RBM6: variants seen among roughly 807,000 people sequenced by gnomAD.
The protein encoded by RBM6 is RNA-binding protein 6.
A neutral mutation model predicts 140.4 loss-of-function variants in RBM6; 23 were observed. That is an observed-to-expected ratio of 0.16 (90% CI 0.12 to 0.23). The LOEUF is 0.23. Ranked by LOEUF, RBM6 falls within the 10% of genes least tolerant of loss-of-function variation. The pLI, the probability that RBM6 is intolerant of heterozygous loss-of-function variation, is 1.00. For synonymous variants in RBM6, 439 were observed against 475.6 expected, an observed-to-expected ratio of 0.92 and a Z score of 1.00; for missense variants, 1,139 against 1,386.7, an observed-to-expected ratio of 0.82 and a Z score of 2.84.
At chr3:49,992,159 C>G (rs2085858226) in intron 5 of RBM6, among the ~76,000 whole-genome samples, 1 of 151,938 alleles carries the variant, frequency 6.6e-6, no homozygotes, top group African/African-American at 2.4e-5. Flanking sequence ...GTGTGTTTGC[C>G]CAGGCTGGTC....
In RBM6 at chr3:50,040,491, T is replaced by TAC. The variant is rs1373091608; in HGVS notation, c.1558-7753_1558-7752insCA. Reference sequence around the variant, plus strand: ...AAAAAAATATATATATATATATATATATACACACACACACACACACACACA... The same window carrying TAC: ...AAAAAAATATATATATATATATATATACATACACACACACACACACACACACA... On this transcript the variant is annotated intron_variant, in intron 6 of 20. Transcript: ENST00000266022. Among the ~76,000 whole-genome samples, 279 of 95,588 alleles carry TAC rather than the reference T, an allele frequency of 2.9e-3. 3 individuals carry two copies. The highest frequency in any genetic ancestry group is 7.7e-3 in the African/African-American group (190 of 24,754). The allele number at this position is 95,588 out of a possible 152,430, so 62.7% of individuals were successfully genotyped here.
chr3:49,958,692 A>C (rs976462168), intron 1 of RBM6, among the ~76,000 whole-genome samples: 4 of 151,448 alleles, frequency 2.6e-5, no homozygotes, highest in African/African-American at 9.7e-5. Flanking sequence ...TGGAGCTTGC[A>C]GTGAGCCGAG....
At chr3:50,002,402 C>T (rs1239531690) in intron 6 of RBM6, among the ~76,000 whole-genome samples, 1 of 152,024 alleles carries the variant, frequency 6.6e-6, no homozygotes, top group East Asian at 1.9e-4. Flanking sequence ...GCTGGGATTA[C>T]AGGTGCCCGC....
chr3:50,072,417 A>G (rs935060339), intron 19 of RBM6, among the ~76,000 whole-genome samples: 1 of 151,916 alleles, frequency 6.6e-6, no homozygotes, highest in African/African-American at 2.4e-5. Context: ...ATCAAAAAAA[A>G]AAAAGAAAAG....
chr3:50,055,124 A>G (rs964809609), intron 8 of RBM6, among the ~76,000 whole-genome samples: 1 of 152,186 alleles, frequency 6.6e-6, no homozygotes, highest in East Asian at 1.9e-4. Flanking sequence ...GACCGGCCCA[A>G]ACCTTTCAAA....
At chr3:50,025,164 C>T (rs1018390179) in intron 6 of RBM6, among the ~76,000 whole-genome samples, 7 of 151,776 alleles carry the variant, frequency 4.6e-5, no homozygotes, top group African/African-American at 1.7e-4. Flanking sequence ...GTGGCTCACG[C>T]CTGTAATCCC....
intron 7 of RBM6, among the ~76,000 whole-genome samples, chr3:50,049,250 A>G (rs1363928354): frequency 6.6e-6 from 1 of 151,266 alleles, no homozygotes; most frequent in Non-Finnish European, 1.5e-5. Context: ...CTAGGATTAC[A>G]GTTGTGTGCC....
At chr3:50,064,972 C>T in intron 15 of RBM6, 59 bp from the exon 16 acceptor site, 1 of 1,450,736 alleles carries the variant, frequency 6.9e-7, no homozygotes, top group Non-Finnish European at 9.6e-7. Context: ...GCACCCAGCC[C>T]AGCCTTTATC....
intron 5 of RBM6, among the ~76,000 whole-genome samples, chr3:49,982,597 T>C (rs2085361381): frequency 6.6e-6 from 1 of 152,034 alleles, no homozygotes. Flanking sequence ...TGTATTTTTT[T>C]AGTAGAGACG....
intron 1 of RBM6, among the ~76,000 whole-genome samples, chr3:49,957,421 A>G (rs1159987974): frequency 6.6e-6 from 1 of 151,254 alleles, no homozygotes; most frequent in Non-Finnish European, 1.5e-5. Flanking sequence ...TTGTCGTGCT[A>G]GGACAACAAG....
At chr3:49,960,040 C>G (rs1319852160) in intron 1 of RBM6, among the ~76,000 whole-genome samples, 1 of 152,178 alleles carries the variant, frequency 6.6e-6, no homozygotes, top group Non-Finnish European at 1.5e-5. Flanking sequence ...CTGTAGTCTG[C>G]TTTGCAGCTT....
intron 7 of RBM6, among the ~76,000 whole-genome samples, chr3:50,053,534 AAG>A (rs946664029): frequency 1.3e-4 from 20 of 151,320 alleles, no homozygotes; most frequent in Non-Finnish European, 2.2e-4. Flanking sequence ...TCCGTCTCAA[AAG>A]AAAAAAAAAA....
chr3:49,959,445 C>T (rs565543991), intron 1 of RBM6, among the ~76,000 whole-genome samples: 35 of 151,086 alleles, frequency 2.3e-4, no homozygotes, highest in African/African-American at 8.0e-4. Flanking sequence ...GTGATCCGCC[C>T]GCCTCGGCCT....
At chr3:50,008,862 A>C (rs940922616) in intron 6 of RBM6, among the ~76,000 whole-genome samples, 4 of 152,206 alleles carry the variant, frequency 2.6e-5, no homozygotes, top group Non-Finnish European at 2.9e-5. Flanking sequence ...CTCTTTTGTA[A>C]CTTCTGAACC....
At chr3:49,954,142 A>G (rs996645445) in intron 1 of RBM6, among the ~76,000 whole-genome samples, 5 of 151,816 alleles carry the variant, frequency 3.3e-5, no homozygotes, top group African/African-American at 1.2e-4. Flanking sequence ...TCTCAGAAAA[A>G]AAAAAAAAAT....
chr3:49,996,694 A>T (rs566816936), intron 5 of RBM6, among the ~76,000 whole-genome samples: 1 of 152,330 alleles, frequency 6.6e-6, no homozygotes, highest in African/African-American at 2.4e-5. Flanking sequence ...AGCAACTGTT[A>T]TGCTGCTAAA....
intron 20 of RBM6, 23 bp downstream of exon 20, chr3:50,075,353 G>T (rs781607177): frequency 5.6e-6 from 9 of 1,603,150 alleles, no homozygotes; most frequent in Admixed American, 3.4e-5. Context: ...CCATCTTTTG[G>T]GGGGTGACAT....
At chr3:50,041,027 G>A (rs528732772) in intron 6 of RBM6, among the ~76,000 whole-genome samples, 37 of 152,280 alleles carry the variant, frequency 2.4e-4, no homozygotes, top group Non-Finnish European at 4.1e-4. Flanking sequence ...ACAGTCAGCC[G>A]TTTTGCTTCA....
Position 49,968,112 on chromosome 3 carries a change from C to A in RBM6, c.687C>A (p.Asp229Glu). 6.2e-7 allele frequency: 1 copy of A among 1,614,056 alleles called. No homozygotes were observed. The highest frequency in any genetic ancestry group is 1.1e-5 in the South Asian group (1 of 91,084). The change falls in exon 3 of 21, where the codon GAC becomes GAA. Residue 229 changes from aspartate to glutamate, a missense_variant. Transcript: ENST00000266022. ...CTGATTTGGACTTTAGAGACAAAGA[C>A]GGAACACAAGTAGACTTTAGAGGCC... ...DVSDLDFRDK[D>E]GTQVDFRGRG... is the part of the protein sequence containing the mutation.
Sources: gnomAD v4.1 joint callset for allele counts (sites outside exome capture counted in the v4.1 genomes callset) on GRCh38, gnomAD v4.1.1 for gene constraint, MANE v1.5 for transcripts, NCBI Gene and HGNC (gene_info 2026-07-23, HGNC 2026-07-21) for gene names.